NAV3: variants seen among roughly 807,000 people sequenced by gnomAD.
The protein encoded by NAV3 is neuron navigator 3, also known as pore membrane and/or filament interacting like protein 1.
A neutral mutation model predicts 244.7 loss-of-function variants in NAV3; 87 were observed. The observed-to-expected ratio is 0.36, with a 90% CI of 0.30 to 0.42. The LOEUF (loss-of-function observed/expected upper bound fraction) is 0.42, where lower values mean the gene tolerates loss of function less well. Among genes scored for constraint, NAV3 ranks in the 20% least tolerant of loss-of-function variants. NAV3 has a pLI of 1.00. For missense variants in NAV3, 2,663 were observed against 2,893.3 expected (o/e 0.92, Z 1.83); for synonymous variants, 1,126 against 1,042.2 (o/e 1.08, Z -1.55).
chr12:77,647,016 T>C (rs1252079440), intron 2 of NAV3, among the ~76,000 whole-genome samples: 2 of 151,516 alleles, frequency 1.3e-5, no homozygotes, highest in African/African-American at 2.4e-5. Flanking sequence ...TATATATACA[T>C]GGACATACAC....
intron 2 of NAV3, among the ~76,000 whole-genome samples, chr12:77,579,850 G>C (rs765891131): frequency 1.3e-5 from 2 of 152,130 alleles, no homozygotes; most frequent in African/African-American, 2.4e-5. Flanking sequence ...TCTCGAATCC[G>C]ACACTTTGTC....
At chr12:77,968,345 G>A (rs1001383957) in intron 4 of NAV3, among the ~76,000 whole-genome samples, 174 bp from the exon 5 acceptor site, 7 of 152,062 alleles carry the variant, frequency 4.6e-5, no homozygotes, top group African/African-American at 1.7e-4. Context: ...CAAGTTATTT[G>A]GAAATGTTAA....
rs2136402256 is a variant in NAV3, at chr12:77,994,846, G to A, written c.715G>A (p.Ala239Thr). The change falls in exon 6 of 40, where the codon GCA becomes ACA. Residue 239 changes from alanine (A) to threonine (T), a missense_variant. Transcript: ENST00000397909. ...AACTCAGTCTAATCACAGTGGAATTGCAACCAGTCAAAAAAAGCCTACTAG... is the reference window on the plus strand; with the variant it reads ...AACTCAGTCTAATCACAGTGGAATTACAACCAGTCAAAAAAAGCCTACTAG... Reference protein sequence around the residue: ...YATQSNHSGIATSQKKPTRLP... With the variant: ...YATQSNHSGITTSQKKPTRLP... 1 of 1,608,828 alleles carries A rather than the reference G, an allele frequency of 6.2e-7. No homozygotes were observed. The highest frequency in any genetic ancestry group is 8.5e-7 in the Non-Finnish European group (1 of 1,177,312).
intron 4 of NAV3, among the ~76,000 whole-genome samples, chr12:77,968,278 T>G (rs1892687362): frequency 6.6e-6 from 1 of 152,212 alleles, no homozygotes; most frequent in Non-Finnish European, 1.5e-5. Flanking sequence ...AGAATATCAC[T>G]TCTGAGTGTG....
At chr12:77,721,596 G>A (rs1876636152) in intron 2 of NAV3, among the ~76,000 whole-genome samples, 1 of 152,038 alleles carries the variant, frequency 6.6e-6, no homozygotes, top group Non-Finnish European at 1.5e-5. Context: ...ATAATCAAAG[G>A]TGAAAAGAAT....
At position 77,804,786 on chromosome 12, in the gene NAV3, G is replaced by A. The variant is rs181144608; in HGVS notation, c.73-135533G>A. On this transcript the variant is annotated intron_variant, in intron 2 of 8. Coordinates refer to the NAV3 transcript ENST00000550042. Reference sequence around the variant, plus strand: ...GCAGTATGGCCATTTTCACGATATTGATTCTTCCTGTCCATGAGCGTGGAA... The same window carrying A: ...GCAGTATGGCCATTTTCACGATATTAATTCTTCCTGTCCATGAGCGTGGAA... 2.0e-5 allele frequency among the ~76,000 whole-genome samples: 3 copies of A among 152,034 alleles called. No individual in the cohort carries two copies. The East Asian group carries it at 5.8e-4, about 29-fold the overall frequency.
At chr12:78,115,854 G>A (rs1444531374) in intron 12 of NAV3, among the ~76,000 whole-genome samples, 2 of 152,142 alleles carry the variant, frequency 1.3e-5, no homozygotes, top group Admixed American at 6.5e-5. Context: ...TACACTCTAT[G>A]ATGTTCTCAC....
intron 1 of NAV3, among the ~76,000 whole-genome samples, chr12:77,898,981 G>A (rs11107229): frequency 0.087 from 13,255 of 152,140 alleles, 765 homozygotes; most frequent in East Asian, 0.2. Context: ...ACCCACCATG[G>A]GAAGTAACTG....
intron 8 of NAV3, among the ~76,000 whole-genome samples, chr12:78,008,272 T>C (rs1258914061): frequency 1.3e-5 from 2 of 152,176 alleles, no homozygotes; most frequent in East Asian, 3.8e-4. Flanking sequence ...TGCATTCTTA[T>C]TTTGTAGGCA....
chr12:77,857,349 G>C (rs2136299819), intron 1 of NAV3, among the ~76,000 whole-genome samples: 1 of 151,884 alleles, frequency 6.6e-6, no homozygotes, highest in South Asian at 2.1e-4. Context: ...CAAGATTTTG[G>C]TTTTAATTTT....
chr12:77,634,471 GACCA>G (rs564432466), intron 2 of NAV3, among the ~76,000 whole-genome samples: 3 of 152,172 alleles, frequency 2.0e-5, no homozygotes, highest in African/African-American at 7.2e-5. Context: ...TACTACAAGG[GACCA>G]ACTGCAGGTT....
chr12:77,816,040 T>C (rs192718555), intron 2 of NAV3, among the ~76,000 whole-genome samples: 35 of 152,130 alleles, frequency 2.3e-4, no homozygotes, highest in African/African-American at 8.0e-4. Flanking sequence ...AAATACAAGA[T>C]AGAATTTCAA....
rs575879464 is a variant in NAV3, at chr12:77,625,922, C to T, written c.72+53656C>T. On this transcript the variant is annotated intron_variant, in intron 2 of 8. Coordinates refer to the NAV3 transcript ENST00000550042. Reference sequence around the variant, plus strand: ...GAAACATGAGACCTCAAAAGGAACACAATGATTTTCCAATAATGAGTAAAC... The same window carrying T: ...GAAACATGAGACCTCAAAAGGAACATAATGATTTTCCAATAATGAGTAAAC... Among the ~76,000 whole-genome samples the T allele has an allele frequency of 8.5e-5, 13 of 152,064 alleles. No homozygotes were observed. The East Asian group carries it at 2.3e-3, about 27-fold the overall frequency.
At chr12:77,747,400 T>A (rs1184967876) in intron 2 of NAV3, among the ~76,000 whole-genome samples, 1 of 152,158 alleles carries the variant, frequency 6.6e-6, no homozygotes, top group Non-Finnish European at 1.5e-5. Context: ...CTGGAGAGGA[T>A]GTGGAGAAAT....
chr12:77,704,895 T>G (rs747029145), intron 2 of NAV3, among the ~76,000 whole-genome samples: 1 of 152,208 alleles, frequency 6.6e-6, no homozygotes, highest in Admixed American at 6.5e-5. Flanking sequence ...GGGTTTCCCC[T>G]AGGATATTGG....
intron 2 of NAV3, among the ~76,000 whole-genome samples, chr12:77,788,516 CG>C (rs1871014733): frequency 6.6e-6 from 1 of 152,004 alleles, no homozygotes; most frequent in East Asian, 1.9e-4. Flanking sequence ...ATGATCTCTA[CG>C]GTGTCTTTCA....
At chr12:77,589,371 C>CCT (rs1555184165) in intron 2 of NAV3, among the ~76,000 whole-genome samples, 1 of 151,838 alleles carries the variant, frequency 6.6e-6, no homozygotes, top group Non-Finnish European at 1.5e-5. Context: ...TAGCAGCCCC[C>CCT]CTCTGTGGTA....
intron 19 of NAV3, among the ~76,000 whole-genome samples, chr12:78,139,016 G>A (rs1290670287): frequency 1.3e-5 from 2 of 152,122 alleles, no homozygotes; most frequent in African/African-American, 2.4e-5. Context: ...GAATGAGATG[G>A]TCTAATTAAT....
chr12:78,116,685 TA>T, intron 12 of NAV3, 86 bp from the exon 13 acceptor site: 1 of 1,312,208 alleles, frequency 7.6e-7, no homozygotes, highest in Non-Finnish European at 1.0e-6. Context: ...GTCTTAATAA[TA>T]AATTGTGAAT....
Sources: allele counts gnomAD v4.1 joint callset (sites outside exome capture counted in the v4.1 genomes callset), GRCh38; gene constraint gnomAD v4.1.1; transcripts MANE v1.5; gene names NCBI Gene and HGNC (gene_info 2026-07-23, HGNC 2026-07-21).